Variants in PRDM4 observed in about 807,000 individuals in gnomAD.
PRDM4 encodes the protein PR/SET domain 4.
In PRDM4, 38 loss-of-function variants were observed where a neutral mutation model predicts 62.3. The observed-to-expected ratio is 0.61, with a 90% CI of 0.47 to 0.80. The LOEUF is 0.80. PRDM4 is among the 30% of genes least tolerant of loss of function. The pLI, the probability that PRDM4 is intolerant of heterozygous loss-of-function variation, is 0.00. For synonymous variants in PRDM4, 339 were observed against 348.2 expected (o/e 0.97, Z 0.30); for missense variants, 858 against 997.1 (o/e 0.86, Z 1.88).
Position 107,752,003 on chromosome 12 carries a change from G to A in PRDM4, c.538C>T (p.Pro180Ser). 1.9e-6 allele frequency: 3 copies of A among 1,614,210 alleles called. No homozygotes were observed. Among genetic ancestry groups the A allele is most frequent in the Non-Finnish European group, 2.5e-6 (3 of 1,180,024 alleles). Residue 180 changes from proline (P) to serine (S), a missense_variant, in exon 5 of 12, where the codon CCC (proline) becomes TCC (serine). Pro to Ser is a moderately conservative substitution (Grantham distance 74). This residue lies in a region of PRDM4 where 499 missense variants were observed against 546.7 expected (regional missense o/e 0.91). Transcript: ENST00000228437. ...VNTHGAQSLH[P>S]SDGHEVALDT... ...AAGGCCACCTCATGGCCATCACTGG[G>A]ATGAAGACTTTGGGCACCATGTGTG...
chr12:107,739,564 C>T lies in PRDM4; in HGVS notation c.1925-13G>A. 6.2e-7 allele frequency: 1 copy of T among 1,610,370 alleles called. No homozygotes were observed. Among genetic ancestry groups the T allele is most frequent in the South Asian group, 1.1e-5 (1 of 90,524 alleles). ...TAGTTCTTCTGACCTGCAATCAGCC[C>T]AAAGTATTACACCGTGAAGAAAACA... is the stretch of plus-strand genomic sequence containing the variant. On this transcript the variant is annotated splice_polypyrimidine_tract_variant and intron_variant, in intron 10 of 11. Transcript: ENST00000228437.
chr12:107,743,310 C>G (rs1336637704), intron 7 of PRDM4, 28 bp from the exon 8 acceptor site: 1 of 1,498,830 alleles, frequency 6.7e-7, no homozygotes, highest in Non-Finnish European at 9.3e-7. Flanking sequence ...GCACACATGT[C>G]AAATGCACTG....
At position 107,734,301 on chromosome 12, in the gene PRDM4, T is replaced by A; in HGVS notation, c.2315A>T (p.Glu772Val). Residue 772 changes from glutamate to valine, a missense_variant, in exon 12 of 12, where the codon GAG becomes GTG. Coordinates refer to ENST00000228437, the MANE Select transcript of PRDM4 (RefSeq NM_012406.4). ...CCCCACAGAGTCTGCTAGATCTTCC[T>A]CTTCTGAGTCATCCTCTTCTTCCTC... ...PEEEEEDDSE[E>V]EDLADSVGTE... The A allele has an allele frequency of 6.2e-7, 1 of 1,614,192 alleles. No individual in the cohort carries two copies. Among genetic ancestry groups the A allele is most frequent in the Non-Finnish European group, 8.5e-7 (1 of 1,180,036 alleles).
chr12:107,749,540 T>A (rs1890825825), intron 5 of PRDM4, among the ~76,000 whole-genome samples: 1 of 152,010 alleles, frequency 6.6e-6, no homozygotes, highest in East Asian at 1.9e-4. Context: ...CCTTCTCTAC[T>A]TACCTAGTTT....
Position 107,734,359 on chromosome 12 carries a change from T to C in PRDM4, c.2257A>G (p.Lys753Glu). 2 of 1,614,224 alleles carry C rather than the reference T, an allele frequency of 1.2e-6. No homozygotes were observed. Among genetic ancestry groups the C allele is most frequent in the Non-Finnish European group, 1.7e-6 (2 of 1,180,034 alleles). ...GCTGACGAACTGGAGGTGGGCCCTT[T>C]GCAGGTTTTCAGGTGGCGGGTGAGA... is the stretch of plus-strand genomic sequence containing the variant. Reference protein sequence around the residue: ...YHLTRHLKTCKGPTSSSSAPE... With the variant: ...YHLTRHLKTCEGPTSSSSAPE... Residue 753 changes from lysine (K) to glutamate (E), a missense_variant, in exon 12 of 12, where the codon AAA (lysine) becomes GAA (glutamate). Lys to Glu is a moderately conservative substitution (Grantham distance 56, BLOSUM62 1). Transcript: ENST00000228437.
At chr12:107,760,118 G>A (rs768424922) in intron 2 of PRDM4, 14 of 162,576 alleles carry the variant, frequency 8.6e-5, no homozygotes, top group Non-Finnish European at 1.9e-4. Flanking sequence ...TTAAACATCA[G>A]CATGAAGCTT....
intron 4 of PRDM4, among the ~76,000 whole-genome samples, chr12:107,752,715 A>G (rs1372013902): frequency 6.6e-6 from 1 of 152,204 alleles, no homozygotes; most frequent in Non-Finnish European, 1.5e-5. Flanking sequence ...GATACTTACT[A>G]AACTGCCAGA....
Position 107,760,561 on chromosome 12 carries a change from G to A in PRDM4, c.-46C>T, listed in dbSNP as rs376639128. On this transcript the variant is annotated 5_prime_UTR_variant, in exon 2 of 12. Coordinates refer to ENST00000228437, the MANE Select transcript of PRDM4 (RefSeq NM_012406.4). ...GAGAAAGGAGCGCTCGGGTGGTGGG[G>A]AACAGGCATCAGGGTTTGCGTTCCA... 47 of 1,610,742 alleles carry A rather than the reference G, an allele frequency of 2.9e-5. No individual in the cohort carries two copies. Among genetic ancestry groups the A allele is most frequent in the East Asian group, 9.0e-5 (4 of 44,634 alleles).
chr12:107,734,502 G>A lies in PRDM4; in HGVS notation c.2114C>T (p.Pro705Leu), dbSNP rs1284655789. Residue 705 changes from proline to leucine, a missense_variant, in exon 12 of 12, where the codon CCC (proline) becomes CTC (leucine). This residue lies in a region of PRDM4 where 355 missense variants were observed against 432.6 expected (regional missense o/e 0.82). Transcript: ENST00000228437. ...IHTQERQIKC[P>L]KCDKLFLRTN... is the part of the protein sequence containing the mutation. ...TCTCAAGAACAGCTTATCACACTTG[G>A]GACACTTGATCTGGCGTTCTCTAAG... 3.7e-6 allele frequency: 6 copies of A among 1,612,350 alleles called. No homozygotes were observed. Among genetic ancestry groups the A allele is most frequent in the Non-Finnish European group, 5.1e-6 (6 of 1,178,832 alleles).
chr12:107,740,465 C>G (rs1334254506), intron 10 of PRDM4, among the ~76,000 whole-genome samples: 2 of 151,574 alleles, frequency 1.3e-5, no homozygotes, highest in Non-Finnish European at 2.9e-5. Context: ...CCAGCCTGGG[C>G]AACAGAGTGA....
intron 5 of PRDM4, among the ~76,000 whole-genome samples, chr12:107,750,881 A>G (rs775202810): frequency 8.5e-5 from 13 of 152,182 alleles, no homozygotes; most frequent in Non-Finnish European, 1.9e-4. Context: ...AAAATATTGT[A>G]TTATCACTAT....
intron 5 of PRDM4, 65 bp from the exon 6 acceptor site, chr12:107,746,489 G>GT (rs373095125): frequency 0.21 from 226,275 of 1,056,948 alleles, 70 homozygotes; most frequent in Non-Finnish European, 0.23. Flanking sequence ...TACCACCACG[G>GT]TTTTTTTTTT....
At chr12:107,751,325 C>T in intron 5 of PRDM4, 90 bp downstream of exon 5, 1 of 1,332,808 alleles carries the variant, frequency 7.5e-7, no homozygotes, top group South Asian at 1.4e-5. Flanking sequence ...TTTCTATACT[C>T]CCTTAATGCC....
rs754256246 is a variant in PRDM4, at chr12:107,755,261, A to AT, written c.146-1153dup. Among the ~76,000 whole-genome samples the AT allele has an allele frequency of 8.8e-3, 1,280 of 146,274 alleles. 26 individuals carry two copies. Among genetic ancestry groups the AT allele is most frequent in the Admixed American group, 0.048 (705 of 14,634 alleles). ...GGGTGTGTGCCACCATGCGCTGCTA[A>AT]TTTTTTTTTTTTTCTTTGTAGAGAT... On this transcript the variant is annotated intron_variant, in intron 3 of 11. Coordinates refer to ENST00000228437, the MANE Select transcript of PRDM4 (RefSeq NM_012406.4).
chr12:107,739,196 C>A, intron 11 of PRDM4, 187 bp downstream of exon 11: 1 of 531,066 alleles, frequency 1.9e-6, no homozygotes, highest in Non-Finnish European at 3.2e-6. Context: ...TGAAATCTTC[C>A]AGGATAACAC....
Position 107,734,312 on chromosome 12 carries a change from ATCC to A in PRDM4, c.2301_2303del (p.Glu767del). On this transcript the variant is annotated inframe_deletion, in exon 12 of 12. Transcript: ENST00000228437. ...CTGCTAGATCTTCCTCTTCTGAGTC[ATCC>A]TCTTCTTCCTCCTCTGGTGCTGACG... The A allele has an allele frequency of 1.2e-6, 2 of 1,614,170 alleles. No homozygotes were observed. The highest frequency in any genetic ancestry group is 1.7e-6 in the Non-Finnish European group (2 of 1,180,022).
At chr12:107,752,899 T>A (rs768270020) in intron 4 of PRDM4, among the ~76,000 whole-genome samples, 1 of 152,144 alleles carries the variant, frequency 6.6e-6, no homozygotes, top group Non-Finnish European at 1.5e-5. Context: ...TAATAAAAAC[T>A]GGAAAAACCA....
At chr12:107,738,898 C>A (rs1010777111) in intron 11 of PRDM4, among the ~76,000 whole-genome samples, 15 of 151,462 alleles carry the variant, frequency 9.9e-5, no homozygotes, top group Non-Finnish European at 1.9e-4. Flanking sequence ...CACACACACA[C>A]ACACACACAC....
intron 4 of PRDM4, among the ~76,000 whole-genome samples, chr12:107,753,454 T>C (rs79419414): frequency 0.053 from 8,020 of 151,228 alleles, 716 homozygotes; most frequent in African/African-American, 0.18. Flanking sequence ...TAAAAACCTA[T>C]ACACCAAAAC....
Sources: gnomAD v4.1 joint callset for allele counts (sites outside exome capture counted in the v4.1 genomes callset) on GRCh38, gnomAD v4.1.1 for gene constraint, gnomAD v4.1.1 regional missense constraint, MANE v1.5 for transcripts, NCBI Gene and HGNC (gene_info 2026-07-23, HGNC 2026-07-21) for gene names.